The following LAMA5 variants were observed in gnomAD, a reference collection of about 807,000 sequenced individuals.
LAMA5 encodes the protein laminin subunit alpha-5.
Under a neutral mutation model 433.4 loss-of-function variants are expected in LAMA5, and 260 were observed. The observed-to-expected ratio is 0.60, with a 90% CI of 0.54 to 0.66. LAMA5 has a LOEUF of 0.66. LAMA5 is among the 30% of genes least tolerant of loss of function. The pLI, the probability that LAMA5 is intolerant of heterozygous loss-of-function variation, is 0.00. For synonymous variants in LAMA5, 2,620 were observed against 2,226.6 expected (o/e 1.18, Z -4.97); for missense variants, 5,378 against 5,258.5 (o/e 1.02, Z -0.70).
rs926754485 is a variant in LAMA5, at chr20:62,325,448, G to T, written c.5397C>A (p.Phe1799Leu). The T allele has an allele frequency of 1.2e-6, 2 of 1,612,566 alleles. No homozygotes were observed. Among genetic ancestry groups the T allele is most frequent in the Admixed American group, 1.7e-5 (1 of 60,014 alleles). ...GGAAGACAGCCGAGGAGATCTGTGAGAAGAGGGCACGGATCTGCAGCTGCT... is the reference window on the plus strand; with the variant it reads ...GGAAGACAGCCGAGGAGATCTGTGATAAGAGGGCACGGATCTGCAGCTGCT... The part of the protein sequence containing the change: ...SLEQLQIRAL[F>L]SQISSAVFLR... Residue 1799 changes from phenylalanine to leucine, a missense_variant, in exon 41 of 80, where the codon TTC becomes TTA. Physicochemically the swap from Phe to Leu is conservative, Grantham distance 22. Transcript: ENST00000252999.
rs543344204 is a variant in LAMA5 at position 62,346,495 on chromosome 20, A to G, written c.1282+11T>C. ...GAGACCCAGGACACCCGCCCAGCTG[A>G]GCCCACTCACGGCGGCAGACGTGGG... On this transcript the variant is annotated intron_variant, in intron 9 of 79. Transcript: ENST00000252999. 9.7e-6 allele frequency: 15 copies of G among 1,549,944 alleles called. No homozygotes were observed. The African/African-American group carries it at 1.6e-4, about 17-fold the overall frequency.
chr20:62,333,991 G>A lies in LAMA5; in HGVS notation c.2788C>T (p.Leu930Phe). ...CCCCGGTTGACGTATCGGAAGACGA[G>A]CCAGAAAAGGTCAGGGGAGGTCAGG... is the stretch of plus-strand genomic sequence containing the variant. ...LNLTSPDLFWLVFRYVNRGAM... is the reference protein window; with the variant it reads ...LNLTSPDLFWFVFRYVNRGAM... Residue 930 changes from leucine to phenylalanine, a missense_variant, in exon 23 of 80, where the codon CTC (leucine) becomes TTC (phenylalanine). Transcript: ENST00000252999. The A allele has an allele frequency of 6.2e-7, 1 of 1,613,036 alleles. No individual in the cohort carries two copies. Among genetic ancestry groups the A allele is most frequent in the Non-Finnish European group, 8.5e-7 (1 of 1,179,874 alleles).
chr20:62,327,444 C>T lies in LAMA5; in HGVS notation c.4939-38G>A, dbSNP rs770438370. The T allele has an allele frequency of 3.8e-6, 6 of 1,594,428 alleles. No individual in the cohort carries two copies. The East Asian group carries it at 1.3e-4, about 36-fold the overall frequency. ...ACGTGTGGCTGCACACGGGTGGATG[C>T]CCACACATCACAGGGCCCCATCTTG... is the stretch of plus-strand genomic sequence containing the variant. On this transcript the variant is annotated intron_variant, in intron 37 of 79. Transcript: ENST00000252999.
intron 64 of LAMA5, 38 bp downstream of exon 64, chr20:62,313,289 T>C: frequency 2.3e-5 from 2 of 88,444 alleles, no homozygotes; most frequent in Non-Finnish European, 4.4e-5. Flanking sequence ...GAGGGTGGGG[T>C]GGGGTGGGTG....
chr20:62,360,220 G>T lies in LAMA5; in HGVS notation c.450+2180C>A, dbSNP rs1000622498. 8.2e-5 allele frequency among the ~76,000 whole-genome samples: 12 copies of T among 146,246 alleles called. 1 individual carries two copies. Among genetic ancestry groups the T allele is most frequent in the East Asian group, 6.2e-4 (3 of 4,816 alleles). ...CGTGGTCAGGAAAGTGGGTGAGAAG[G>T]AAGGAAGACGGTGCAGGTGTGGAGG... On this transcript the variant is annotated intron_variant, in intron 2 of 79. Coordinates refer to ENST00000252999, the MANE Select transcript of LAMA5 (RefSeq NM_005560.6).
Position 62,314,612 on chromosome 20 carries a change from C to T in LAMA5, c.8310G>A (p.Glu2770=), listed in dbSNP as rs749973449. 1.9e-5 allele frequency: 31 copies of T among 1,612,444 alleles called. No homozygotes were observed. The highest frequency in any genetic ancestry group is 3.3e-4 in the Middle Eastern group (2 of 6,058). The change falls in exon 61 of 80, where the codon GAG becomes GAA. Residue 2770 remains glutamate (E), a synonymous_variant. Coordinates refer to ENST00000252999, the MANE Select transcript of LAMA5 (RefSeq NM_005560.6). ...CCTCGGTACCCTGCCCAGGCTCAGG[C>T]TCTGGGCCCTGCAGGTAGAACTTGA... ...TALKFYLQGP[E]PEPGQGTEDR...
At position 62,313,217 on chromosome 20, in the gene LAMA5, G is replaced by A. The variant is rs1409504769; in HGVS notation, c.8826C>T (p.Asp2942=). ...AGCCGGTGCCGTCCAGGTAGGAGCC[G>A]TCCGTGAGCCACGGGTCCCCGGTCG... The part of the protein sequence containing the change: ...SKSTGDPWLT[D]GSYLDGTGFA... Residue 2942 remains aspartate (D), a synonymous_variant, in exon 65 of 80, where the codon GAC becomes GAT. Transcript: ENST00000252999. The A allele has an allele frequency of 9.7e-6, 15 of 1,551,000 alleles. No individual in the cohort carries two copies. Among genetic ancestry groups the A allele is most frequent in the African/African-American group, 2.7e-5 (2 of 72,942 alleles).
chr20:62,351,838 G>C, intron 5 of LAMA5, 37 bp from the exon 6 acceptor site: 1 of 1,584,358 alleles, frequency 6.3e-7, no homozygotes, highest in Non-Finnish European at 8.6e-7. Flanking sequence ...AGGCGGCCAG[G>C]CCTCACTCAC....
At chr20:62,321,713 C>A in intron 48 of LAMA5, among the ~76,000 whole-genome samples, 1 of 27,458 alleles carries the variant, frequency 3.6e-5, no homozygotes, top group Non-Finnish European at 7.3e-5. Context: ...GCAGGGCCAG[C>A]AGAGGGGTGG....
In LAMA5 at chr20:62,324,387, T is replaced by G. The variant is rs1179480713; in HGVS notation, c.5643+54A>C. On this transcript the variant is annotated intron_variant, in intron 42 of 79. Coordinates refer to ENST00000252999, the MANE Select transcript of LAMA5 (RefSeq NM_005560.6). This position sits in a 1 kb window ranked among gnomAD's most constrained non-coding sequence, Gnocchi z 4.4. ...CAGCCCCTGGTCTTCCCTGGCACAC[T>G]TGACTGTGCCTTCAGTGAATGCTGC... is the stretch of plus-strand genomic sequence containing the variant. The G allele has an allele frequency of 7.4e-6, 11 of 1,492,410 alleles. No homozygotes were observed. Among genetic ancestry groups the G allele is most frequent in the Non-Finnish European group, 1.0e-5 (11 of 1,082,648 alleles). The allele number at this position is 1,492,410 out of a possible 1,614,324, so 92.4% of individuals were successfully genotyped here. A position where few individuals can be genotyped will look rare whatever the true frequency, so the allele number is the denominator to read the frequency against.
In LAMA5 at chr20:62,346,018, T is replaced by C. The variant is rs143008249; in HGVS notation, c.1417+63A>G. The C allele has an allele frequency of 7.5e-6, 12 of 1,604,512 alleles. No homozygotes were observed. The Middle Eastern group carries it at 6.7e-4, about 90-fold the overall frequency. On this transcript the variant is annotated intron_variant, in intron 10 of 79. Coordinates refer to ENST00000252999, the MANE Select transcript of LAMA5 (RefSeq NM_005560.6). ...CATCCCGGGGAACCCCTCCACCCCC[T>C]GCAGGGCTCCCGGAGTCCAGCAGGC...
rs1370132123 is a variant in LAMA5 at position 62,334,038 on chromosome 20, G to C, written c.2741C>G (p.Pro914Arg). The C allele has an allele frequency of 6.2e-7, 1 of 1,611,612 alleles. No homozygotes were observed. The highest frequency in any genetic ancestry group is 2.2e-5 in the East Asian group (1 of 44,820). ...RGYAQMAPVQ[P>R]RIVARLNLTS... ...CAGGTTCAGCCTGGCCACGATCCTG[G>C]GCTGGGTGGGCATGGAGCGTCGGGT... is the stretch of plus-strand genomic sequence containing the variant. Residue 914 changes from proline to arginine, a missense_variant and splice_region_variant, in exon 23 of 80, where the codon CCC (proline) becomes CGC (arginine). Coordinates refer to ENST00000252999, the MANE Select transcript of LAMA5 (RefSeq NM_005560.6).
Position 62,310,701 on chromosome 20 carries a change from GC to G in LAMA5, c.10409del (p.Gly3470AlafsTer14). On this transcript the variant is annotated frameshift_variant, in exon 75 of 80. Transcript: ENST00000252999. LOFTEE classifies it high-confidence loss of function. ...AGCTGTGGCTGCTGGCCGGGAGGCC[GC>G]CCACAAAGAGGGTGTGGGGCTGGGG... ...EHPQPHTLFV[G>X]GLPASSHSSK... The G allele has an allele frequency of 6.2e-7, 1 of 1,601,054 alleles. No individual in the cohort carries two copies.
chr20:62,315,087 T>C lies in LAMA5; in HGVS notation c.7988A>G (p.Gln2663Arg). ...MQENVERWQGQYEGLRGQDLG... is the reference protein window; with the variant it reads ...MQENVERWQGRYEGLRGQDLG... ...GTCCTGGCCCCGCAGGCCCTCGTAC[T>C]GGCCCTGCCACCGCTCCACATTCTC... Residue 2663 changes from glutamine (Q) to arginine (R), a missense_variant, in exon 59 of 80, where the codon CAG (glutamine) becomes CGG (arginine). Physicochemically the swap from Gln to Arg is conservative, Grantham distance 43. Transcript: ENST00000252999. 3 of 1,604,676 alleles carry C rather than the reference T, an allele frequency of 1.9e-6. No individual in the cohort carries two copies. The highest frequency in any genetic ancestry group is 2.5e-6 in the Non-Finnish European group (3 of 1,179,592).
intron 70 of LAMA5, 32 bp from the exon 71 acceptor site, chr20:62,311,816 T>TTGGGGCCCCCC: frequency 1.3e-6 from 2 of 1,521,006 alleles, no homozygotes; most frequent in Non-Finnish European, 1.8e-6. Flanking sequence ...GCTCGGTTTT[T>TTGGGGCCCCCC]CCCCACCCTG....
chr20:62,322,818 G>T, intron 45 of LAMA5, 60 bp from the exon 46 acceptor site: 1 of 1,146,930 alleles, frequency 8.7e-7, no homozygotes, highest in Non-Finnish European at 1.2e-6. Context: ...GGAGCCCCTA[G>T]GCACCCTCCT....
At chr20:62,339,261 G>A (rs1395585777) in intron 11 of LAMA5, among the ~76,000 whole-genome samples, 8 of 111,162 alleles carry the variant, frequency 7.2e-5, no homozygotes, top group East Asian at 2.9e-4. Flanking sequence ...TTTTTGAGAC[G>A]GAGTCTTGAT....
Position 62,332,460 on chromosome 20 carries a change from G to A in LAMA5, c.3464C>T (p.Ala1155Val), listed in dbSNP as rs1182863799. The A allele has an allele frequency of 3.1e-6, 5 of 1,612,484 alleles. No individual in the cohort carries two copies. Among genetic ancestry groups the A allele is most frequent in the Non-Finnish European group, 3.4e-6 (4 of 1,179,894 alleles). Residue 1155 changes from alanine to valine, a missense_variant, in exon 28 of 80, where the codon GCC becomes GTC. Transcript: ENST00000252999. ...AGCCAGGTGGTCCTGGGTATCCCGG[G>A]CAGTGCCCCGGCACAGGGTGCTGTG... The part of the protein sequence containing the change: ...CLYSTLCRGT[A>V]RDTQDHLAVF...
intron 11 of LAMA5, among the ~76,000 whole-genome samples, chr20:62,345,255 G>A (rs566663726): frequency 1.3e-5 from 2 of 151,240 alleles, no homozygotes; most frequent in Admixed American, 6.6e-5. Context: ...CACCTGCCTT[G>A]GCCTCCTGAA....
Sources: allele counts gnomAD v4.1 joint callset (sites outside exome capture counted in the v4.1 genomes callset), GRCh38; gene constraint gnomAD v4.1.1; non-coding constraint Gnocchi (gnomAD v3.1); transcripts MANE v1.5; gene names NCBI Gene and HGNC (gene_info 2026-07-23, HGNC 2026-07-21).